Variants in CACNA2D3 observed in about 807,000 individuals in gnomAD.
CACNA2D3 encodes calcium voltage-gated channel auxiliary subunit alpha2delta 3.
A neutral mutation model predicts 160.6 loss-of-function variants in CACNA2D3; 60 were observed. The ratio of observed to expected loss-of-function variants is 0.37; its 90% confidence interval spans 0.30 to 0.46. CACNA2D3 has a LOEUF of 0.46. Ranked by LOEUF, CACNA2D3 falls within the 20% of genes least tolerant of loss-of-function variation. The probability of loss-of-function intolerance (pLI) is 1.00; values close to 1 mark genes in which losing one functional copy is unlikely to be tolerated. For synonymous variants in CACNA2D3, 558 were observed against 492.9 expected, an observed-to-expected ratio of 1.13 and a Z score of -1.75; for missense variants, 1,205 against 1,365.0, an observed-to-expected ratio of 0.88 and a Z score of 1.85.
At chr3:54,406,295 A>G (rs956387044) in intron 4 of CACNA2D3, among the ~76,000 whole-genome samples, 4 of 152,144 alleles carry the variant, frequency 2.6e-5, no homozygotes, top group African/African-American at 9.7e-5. Context: ...GAAACAACCT[A>G]GGTGCCCATC....
intron 9 of CACNA2D3, among the ~76,000 whole-genome samples, chr3:54,606,082 A>G (rs1458574584): frequency 6.6e-6 from 1 of 152,120 alleles, no homozygotes; most frequent in Admixed American, 6.5e-5. Flanking sequence ...AATCAGGGGA[A>G]GGGGGCTTAT....
At chr3:54,834,961 A>G (rs1698641680) in intron 14 of CACNA2D3, among the ~76,000 whole-genome samples, 1 of 152,224 alleles carries the variant, frequency 6.6e-6, no homozygotes. Context: ...AGACCCACCC[A>G]CATTATGGAG....
At chr3:54,867,873 T>C (rs1272365605) in intron 17 of CACNA2D3, among the ~76,000 whole-genome samples, 2 of 152,216 alleles carry the variant, frequency 1.3e-5, no homozygotes, top group Admixed American at 6.5e-5. Context: ...ACCAGTGACA[T>C]CCTGGAGCGA....
chr3:54,619,718 G>T (rs1032796268), intron 9 of CACNA2D3, among the ~76,000 whole-genome samples: 1 of 152,100 alleles, frequency 6.6e-6, no homozygotes, highest in Non-Finnish European at 1.5e-5. Flanking sequence ...TGCTTCCCAC[G>T]GGAATTAAAT....
At chr3:54,527,039 C>G (rs1701734251) in intron 5 of CACNA2D3, among the ~76,000 whole-genome samples, 1 of 152,194 alleles carries the variant, frequency 6.6e-6, no homozygotes, top group Non-Finnish European at 1.5e-5. Flanking sequence ...TTAAACCATG[C>G]CGTGGGGCAT....
intron 4 of CACNA2D3, among the ~76,000 whole-genome samples, chr3:54,484,338 C>T (rs557159545): frequency 5.3e-5 from 8 of 152,288 alleles, no homozygotes; most frequent in East Asian, 3.9e-4. Flanking sequence ...GTTGGAAATC[C>T]AGCACCGCAC....
At chr3:54,546,920 G>C (rs1702074986) in intron 5 of CACNA2D3, among the ~76,000 whole-genome samples, 1 of 152,174 alleles carries the variant, frequency 6.6e-6, no homozygotes, top group South Asian at 2.1e-4. Context: ...GTTATAAGTA[G>C]TTTAATAGAG....
chr3:54,130,329 G>A (rs1462566464), intron 2 of CACNA2D3, among the ~76,000 whole-genome samples: 1 of 152,186 alleles, frequency 6.6e-6, no homozygotes, highest in Non-Finnish European at 1.5e-5. Flanking sequence ...TGAGTAACAG[G>A]TCAAGAGCTT....
intron 9 of CACNA2D3, among the ~76,000 whole-genome samples, chr3:54,588,615 C>G (rs1226478938): frequency 6.6e-6 from 1 of 152,006 alleles, no homozygotes; most frequent in Non-Finnish European, 1.5e-5. Flanking sequence ...GTCACATATA[C>G]AAGATCAACA....
chr3:54,585,221 G>C (rs545291632), intron 9 of CACNA2D3, among the ~76,000 whole-genome samples: 2 of 152,142 alleles, frequency 1.3e-5, no homozygotes, highest in Non-Finnish European at 1.5e-5. Context: ...GAATACTTAA[G>C]ACAATTATAT....
chr3:54,297,712 CA>C lies in CACNA2D3; in HGVS notation c.205-22713del, dbSNP rs5849037. On this transcript the variant is annotated intron_variant, in intron 2 of 37. Transcript: ENST00000474759. ...ATGTTGGTTCCCCTCTCCCCGCCAC[CA>C]AAAAAAAAAAAAAAAAGAGTGAAGA... Among the ~76,000 whole-genome samples the C allele has an allele frequency of 6.4e-3, 739 of 116,212 alleles. 4 individuals are homozygous for C. Among genetic ancestry groups the C allele is most frequent in the African/African-American group, 0.011 (334 of 30,664 alleles). The allele number at this position is 116,212 out of a possible 152,430, so 76.2% of individuals were successfully genotyped here.
chr3:54,922,539 G>A (rs1700883587), intron 27 of CACNA2D3, among the ~76,000 whole-genome samples: 1 of 152,072 alleles, frequency 6.6e-6, no homozygotes, highest in Non-Finnish European at 1.5e-5. Flanking sequence ...TATTGATTAT[G>A]TAATTTACTA....
At chr3:54,693,225 G>A (rs558837852) in intron 11 of CACNA2D3, among the ~76,000 whole-genome samples, 1 of 152,308 alleles carries the variant, frequency 6.6e-6, no homozygotes, top group East Asian at 1.9e-4. Flanking sequence ...TAGGAATAAA[G>A]GATAATCCTT....
chr3:54,909,900 A>T (rs1700522272), intron 27 of CACNA2D3, among the ~76,000 whole-genome samples: 1 of 152,132 alleles, frequency 6.6e-6, no homozygotes, highest in Non-Finnish European at 1.5e-5. Flanking sequence ...AAGCCAAAAG[A>T]TTGGACATCC....
At chr3:54,722,533 C>G (rs779137457) in intron 11 of CACNA2D3, among the ~76,000 whole-genome samples, 1 of 152,170 alleles carries the variant, frequency 6.6e-6, no homozygotes, top group Non-Finnish European at 1.5e-5. Context: ...TGGTTTCTCC[C>G]CATCTTTGTG....
At chr3:54,188,778 A>G (rs1425177084) in intron 2 of CACNA2D3, among the ~76,000 whole-genome samples, 1 of 152,242 alleles carries the variant, frequency 6.6e-6, no homozygotes, top group Non-Finnish European at 1.5e-5. Flanking sequence ...CAAACTTCCA[A>G]AATGGATATA....
At chr3:54,662,746 A>G (rs1325248922) in intron 11 of CACNA2D3, among the ~76,000 whole-genome samples, 1 of 152,192 alleles carries the variant, frequency 6.6e-6, no homozygotes, top group Non-Finnish European at 1.5e-5. Context: ...TGGAAAGTGT[A>G]AGTGTACTTA....
At chr3:55,013,387 A>G (rs536657125) in intron 34 of CACNA2D3, among the ~76,000 whole-genome samples, 5 of 152,332 alleles carry the variant, frequency 3.3e-5, no homozygotes, top group South Asian at 4.1e-4. Flanking sequence ...GGGCATCAAT[A>G]TGACTTTTTC....
At chr3:54,440,144 G>A (rs6414578) in intron 4 of CACNA2D3, among the ~76,000 whole-genome samples, 151,081 of 152,238 alleles carry the variant, frequency 0.99, 74,979 homozygotes, top group East Asian at 1. Context: ...AGTAAAGGAG[G>A]TCCAGCCCAG....
Sources: allele counts gnomAD v4.1 joint callset (sites outside exome capture counted in the v4.1 genomes callset), GRCh38; gene constraint gnomAD v4.1.1; transcripts MANE v1.5; gene names NCBI Gene and HGNC (gene_info 2026-07-23, HGNC 2026-07-21).